RAPH1: variants seen among roughly 807,000 people sequenced by gnomAD.
RAPH1 encodes the protein ras-associated and pleckstrin homology domains-containing protein 1.
A neutral mutation model predicts 88.1 loss-of-function variants in RAPH1; 18 were observed. The ratio of observed to expected loss-of-function variants is 0.20; its 90% CI spans 0.14 to 0.30. RAPH1 has a LOEUF of 0.30. Among genes scored for constraint, RAPH1 ranks in the 10% least tolerant of loss-of-function variants. The probability of loss-of-function intolerance (pLI) is 1.00; values close to 1 mark genes in which losing one functional copy is unlikely to be tolerated. For synonymous variants in RAPH1, 587 were observed against 559.0 expected, an observed-to-expected ratio of 1.05 and a Z score of -0.71; for missense variants, 1,448 against 1,543.2, an observed-to-expected ratio of 0.94 and a Z score of 1.03.
intron 13 of RAPH1, 174 bp from the exon 14 acceptor site, chr2:203,441,587 C>T: frequency 7.4e-7 from 1 of 1,359,014 alleles, no homozygotes; most frequent in South Asian, 2.0e-5. Context: ...AGGCTAAAAT[C>T]TGATTGTGCG....
intron 4 of RAPH1, among the ~76,000 whole-genome samples, chr2:203,468,137 C>T (rs1029886130): frequency 1.3e-5 from 2 of 152,170 alleles, no homozygotes; most frequent in Non-Finnish European, 2.9e-5. Context: ...GCTGTATCTC[C>T]AGGGTCATAA....
chr2:203,529,003 ATATTTTTTTT>A (rs1436611180), intron 1 of RAPH1, among the ~76,000 whole-genome samples: 22 of 58,746 alleles, frequency 3.7e-4, no homozygotes, highest in African/African-American at 1.6e-3. Context: ...ATATATATAT[ATATTTTTTTT>A]TTTTTTTTTT....
rs535768276 is a variant in RAPH1, at chr2:203,533,927, C to T, written c.-1+1184G>A. On this transcript the variant is annotated intron_variant, in intron 1 of 13. Coordinates refer to ENST00000319170, the MANE Select transcript of RAPH1 (RefSeq NM_213589.3). ...GGGAACGTACTGCAGAGTTCAATAG[C>T]TTATCCAACTCACATTGCAAGCCAA... is the stretch of plus-strand genomic sequence containing the variant. 7.2e-4 allele frequency among the ~76,000 whole-genome samples: 109 copies of T among 152,264 alleles called. 1 individual carries two copies. The highest frequency in any genetic ancestry group is 2.5e-3 in the African/African-American group (104 of 41,534).
At chr2:203,470,503 AGGTAAAGACATCATC>A (rs2098532099) in intron 4 of RAPH1, among the ~76,000 whole-genome samples, 1 of 152,236 alleles carries the variant, frequency 6.6e-6, no homozygotes, top group South Asian at 2.1e-4. Flanking sequence ...AGGAGCAGGG[AGGTAAAGACATCATC>A]CGTGCCAGTA....
At chr2:203,506,042 G>T (rs550481565) in intron 1 of RAPH1, among the ~76,000 whole-genome samples, 151 of 152,286 alleles carry the variant, frequency 9.9e-4, no homozygotes, top group African/African-American at 3.4e-3. Context: ...GAGGGAGGCA[G>T]CAGTATTTTT....
In RAPH1 at chr2:203,527,800, CAAA is replaced by C. The variant is rs59384499; in HGVS notation, c.-1+7308_-1+7310del. Among the ~76,000 whole-genome samples the C allele has an allele frequency of 5.4e-3, 276 of 51,226 alleles. 3 individuals carry two copies. The highest frequency in any genetic ancestry group is 0.015 in the African/African-American group (258 of 17,014). The allele number at this position is 51,226 out of a possible 152,430, so 33.6% of individuals were successfully genotyped here. On this transcript the variant is annotated intron_variant, in intron 1 of 13. Coordinates refer to ENST00000319170, the MANE Select transcript of RAPH1 (RefSeq NM_213589.3). Reference sequence around the variant, plus strand: ...GGGCAACAACAGTGAAACTCCATCTCAAAAAAAAAAAAAAAAAAAAAAAGTATA... The same window carrying C: ...GGGCAACAACAGTGAAACTCCATCTCAAAAAAAAAAAAAAAAAAAAGTATA...
intron 1 of RAPH1, among the ~76,000 whole-genome samples, chr2:203,512,917 C>T (rs988079874): frequency 3.3e-5 from 5 of 152,142 alleles, no homozygotes; most frequent in African/African-American, 1.2e-4. Flanking sequence ...AGCCACCGCG[C>T]CCGGCCATCC....
rs2098498517 is a variant in RAPH1, at chr2:203,436,389, C to CAGCGTCT, written c.*3041_*3047dup. On this transcript the variant is annotated 3_prime_UTR_variant, in exon 14 of 14. Transcript: ENST00000319170. ...ATAGTTACTCTTCCCAAGAGAATTA[C>CAGCGTCT]AGCGTCTAAGGGGGGGAAAGAAAGC... is the stretch of plus-strand genomic sequence containing the variant. 6.6e-6 allele frequency: 1 copy of CAGCGTCT among 151,908 alleles called. No homozygotes were observed. 9.4% of individuals were successfully genotyped at this position (151,908 alleles called of 1,614,324 possible).
chr2:203,498,455 G>T (rs561862640), intron 1 of RAPH1, among the ~76,000 whole-genome samples: 2 of 152,252 alleles, frequency 1.3e-5, no homozygotes, highest in Admixed American at 6.5e-5. Context: ...ACGAACCATT[G>T]TGATAGGCAG....
chr2:203,448,659 G>T lies in RAPH1; in HGVS notation c.1512+79C>A. 1.1e-6 allele frequency: 1 copy of T among 944,420 alleles called. No individual in the cohort carries two copies. 58.5% of individuals were successfully genotyped at this position (944,420 alleles called of 1,614,324 possible). The stretch of plus-strand genomic sequence containing the variant: ...CAAATCCATGAACATGAAATAGTCA[G>T]AATAGTTGTCATGAAAACGAAAACT... On this transcript the variant is annotated intron_variant, in intron 11 of 13. Transcript: ENST00000319170. The surrounding 1 kb of genome is among the most constrained non-coding windows in gnomAD (Gnocchi z 4.1).
intron 2 of RAPH1, among the ~76,000 whole-genome samples, chr2:203,494,547 G>A (rs531545638): frequency 2.0e-5 from 3 of 152,054 alleles, no homozygotes; most frequent in Non-Finnish European, 4.4e-5. Context: ...GGTGGCTCAC[G>A]CCTGTAATCC....
chr2:203,472,038 G>A lies in RAPH1; in HGVS notation c.733-10113C>T, dbSNP rs557985067. Among the ~76,000 whole-genome samples, 5 of 151,978 alleles carry A rather than the reference G, an allele frequency of 3.3e-5. No homozygotes were observed. In the South Asian group the frequency reaches 1.0e-3, roughly 32 times the overall value. Reference sequence around the variant, plus strand: ...AAATTCAATTTAGTTTGAGGTTAATGCACAGCCAAGGAGGAGGGAGGGAAT... The same window carrying A: ...AAATTCAATTTAGTTTGAGGTTAATACACAGCCAAGGAGGAGGGAGGGAAT... On this transcript the variant is annotated intron_variant, in intron 4 of 13. Transcript: ENST00000319170.
At chr2:203,503,255 T>C (rs1688819693) in intron 1 of RAPH1, among the ~76,000 whole-genome samples, 1 of 152,220 alleles carries the variant, frequency 6.6e-6, no homozygotes, top group Non-Finnish European at 1.5e-5. Flanking sequence ...TCTTAATCTA[T>C]TAAACCGCAA....
intron 1 of RAPH1, among the ~76,000 whole-genome samples, chr2:203,524,714 G>C (rs1581411672): frequency 6.6e-6 from 1 of 152,126 alleles, no homozygotes; most frequent in East Asian, 1.9e-4. Flanking sequence ...GTAAGACAGG[G>C]GTAGAGGGGG....
chr2:203,528,993 A>ATG (rs1346760037), intron 1 of RAPH1, among the ~76,000 whole-genome samples: 17 of 78,064 alleles, frequency 2.2e-4, no homozygotes, highest in Non-Finnish European at 3.6e-4. Flanking sequence ...ATATATATAT[A>ATG]TATATATATA....
chr2:203,525,911 T>C (rs991479356), intron 1 of RAPH1, among the ~76,000 whole-genome samples: 9 of 152,124 alleles, frequency 5.9e-5, no homozygotes, highest in Admixed American at 6.5e-5. Flanking sequence ...TGCAGTTGCT[T>C]TGGGGATAGG....
At position 203,506,828 on chromosome 2, in the gene RAPH1, A is replaced by C. The variant is rs1437185474; in HGVS notation, c.1-11475T>G. ...TATCTATATCTATATATCTATATATATATCTATATCTATATATCTATCTAT... is the reference window on the plus strand; with the variant it reads ...TATCTATATCTATATATCTATATATCTATCTATATCTATATATCTATCTAT... On this transcript the variant is annotated intron_variant, in intron 1 of 13. Transcript: ENST00000319170. 6.2e-4 allele frequency among the ~76,000 whole-genome samples: 13 copies of C among 20,834 alleles called. 1 individual carries two copies. The highest frequency in any genetic ancestry group is 1.4e-3 in the African/African-American group (9 of 6,230). The allele number at this position is 20,834 out of a possible 152,430, so 13.7% of individuals were successfully genotyped here.
intron 1 of RAPH1, among the ~76,000 whole-genome samples, chr2:203,521,733 C>T (rs1689882450): frequency 6.6e-6 from 1 of 151,892 alleles, no homozygotes; most frequent in Non-Finnish European, 1.5e-5. Context: ...AGAGAACACC[C>T]CCCCACACAT....
chr2:203,494,765 C>A (rs953581149), intron 2 of RAPH1, among the ~76,000 whole-genome samples: 2 of 147,414 alleles, frequency 1.4e-5, no homozygotes, highest in Non-Finnish European at 3.0e-5. Context: ...GCCAAGATTG[C>A]GCCACTGCAC....
Sources: gnomAD v4.1 joint callset for allele counts (sites outside exome capture counted in the v4.1 genomes callset) on GRCh38, gnomAD v4.1.1 for gene constraint, Gnocchi (gnomAD v3.1) non-coding constraint, MANE v1.5 for transcripts, NCBI Gene and HGNC (gene_info 2026-07-23, HGNC 2026-07-21) for gene names.